FRMPD1: variants seen among roughly 807,000 people sequenced by gnomAD.
FRMPD1 encodes FERM and PDZ domain containing 1.
Under a neutral mutation model 117.8 loss-of-function variants are expected in FRMPD1, and 76 were observed. The ratio of observed to expected loss-of-function variants is 0.65; its 90% confidence interval spans 0.54 to 0.78. The LOEUF is 0.78. Among genes scored for constraint, FRMPD1 ranks in the 30% least tolerant of loss-of-function variants. The pLI, the probability that FRMPD1 is intolerant of heterozygous loss-of-function variation, is 0.00. For missense variants in FRMPD1, 1,786 were observed against 1,964.5 expected, an observed-to-expected ratio of 0.91 and a Z score of 1.72; for synonymous variants, 783 against 770.4, an observed-to-expected ratio of 1.02 and a Z score of -0.27.
the FRMPD1 span, among the ~76,000 whole-genome samples, chr9:37,629,134 G>C: frequency 6.6e-6 from 1 of 152,160 alleles, no homozygotes; most frequent in East Asian, 1.9e-4. Flanking sequence ...GGGAGGCGGA[G>C]GTTGCAGTGA....
the FRMPD1 span, among the ~76,000 whole-genome samples, chr9:37,624,598 C>G: frequency 1.3e-5 from 2 of 152,132 alleles, no homozygotes; most frequent in African/African-American, 4.8e-5. Flanking sequence ...CATAATTTAA[C>G]TTTAGAATCT....
At chr9:37,687,441 T>C (rs1821989582) in intron 1 of FRMPD1, among the ~76,000 whole-genome samples, 1 of 152,216 alleles carries the variant, frequency 6.6e-6, no homozygotes, top group South Asian at 2.1e-4. Context: ...AGCGTGATGC[T>C]CAGACATAAG....
At position 37,740,964 on chromosome 9, in the gene FRMPD1, T is replaced by C; in HGVS notation, c.2356+80T>C. ...CGGGGATCAAGGCCTGGGGCCAAGCTTGAGAGGAAGGCACATGAGTGAAAC... is the reference window on the plus strand; with the variant it reads ...CGGGGATCAAGGCCTGGGGCCAAGCCTGAGAGGAAGGCACATGAGTGAAAC... On this transcript the variant is annotated intron_variant, in intron 15 of 15. Coordinates refer to ENST00000377765, the MANE Select transcript of FRMPD1 (RefSeq NM_014907.3). The surrounding 1 kb of genome is among the most constrained non-coding windows in gnomAD (Gnocchi z 4.2). The C allele has an allele frequency of 9.2e-7, 1 of 1,083,206 alleles. No homozygotes were observed. The highest frequency in any genetic ancestry group is 1.3e-5 in the South Asian group (1 of 78,390). The allele number at this position is 1,083,206 out of a possible 1,614,324, so 67.1% of individuals were successfully genotyped here.
the FRMPD1 span, among the ~76,000 whole-genome samples, chr9:37,610,367 C>G: frequency 6.6e-6 from 1 of 152,118 alleles, no homozygotes; most frequent in Non-Finnish European, 1.5e-5. Flanking sequence ...ATAAGAGACA[C>G]TCCATTTGTT....
intron 1 of FRMPD1, among the ~76,000 whole-genome samples, chr9:37,659,944 G>A (rs1284478419): frequency 6.7e-6 from 1 of 150,218 alleles, no homozygotes; most frequent in Non-Finnish European, 1.5e-5. Flanking sequence ...ACAAAACTGA[G>A]GGGCAAGCAG....
chr9:37,691,743 A>C (rs1228566744), intron 1 of FRMPD1, among the ~76,000 whole-genome samples: 2 of 152,176 alleles, frequency 1.3e-5, no homozygotes, highest in African/African-American at 4.8e-5. Flanking sequence ...ATCTCTACTA[A>C]AAATACAAAA....
chr9:37,737,013 G>T (rs528950265), intron 13 of FRMPD1, 83 bp from the exon 14 acceptor site: 4 of 1,046,538 alleles, frequency 3.8e-6, no homozygotes, highest in East Asian at 2.4e-5. Context: ...GGAATCTCTC[G>T]TTGGTCCCAC....
intron 2 of FRMPD1, among the ~76,000 whole-genome samples, chr9:37,703,478 T>C (rs759248687): frequency 1.4e-4 from 22 of 152,364 alleles, no homozygotes; most frequent in Non-Finnish European, 2.4e-4. Flanking sequence ...ATTTGTATTA[T>C]AAGCTTTCCC....
intron 7 of FRMPD1, among the ~76,000 whole-genome samples, chr9:37,726,878 CAG>C (rs1267989793): frequency 6.6e-6 from 1 of 152,028 alleles, no homozygotes. Flanking sequence ...GGTACAGGCT[CAG>C]GGGAGAGCAA....
intron 1 of FRMPD1, among the ~76,000 whole-genome samples, chr9:37,660,834 C>T (rs61137028): frequency 0.23 from 35,212 of 152,094 alleles, 4,209 homozygotes; most frequent in Middle Eastern, 0.28. Context: ...GCTGCTCATT[C>T]AGTACGGAGC....
At chr9:37,705,216 A>T (rs540127537) in intron 2 of FRMPD1, among the ~76,000 whole-genome samples, 9 of 152,314 alleles carry the variant, frequency 5.9e-5, no homozygotes, top group South Asian at 2.1e-4. Context: ...AACAAAAAAA[A>T]AATAATAAGG....
chr9:37,625,087 C>A, the FRMPD1 span, among the ~76,000 whole-genome samples: 1 of 152,180 alleles, frequency 6.6e-6, no homozygotes, highest in Admixed American at 6.5e-5. Flanking sequence ...TCATTAGTAG[C>A]TTTGACTAAG....
At chr9:37,726,439 T>C (rs1269175177) in intron 7 of FRMPD1, among the ~76,000 whole-genome samples, 2 of 152,198 alleles carry the variant, frequency 1.3e-5, no homozygotes, top group South Asian at 2.1e-4. Flanking sequence ...GGCTCATGCC[T>C]GTAATCCCAG....
At chr9:37,712,997 AT>A (rs1159541682) in intron 5 of FRMPD1, among the ~76,000 whole-genome samples, 18 of 152,026 alleles carry the variant, frequency 1.2e-4, no homozygotes, top group Admixed American at 2.6e-4. Context: ...ATATAAAAAA[AT>A]AACATAAAAG....
chr9:37,609,469 A>C, the FRMPD1 span, among the ~76,000 whole-genome samples: 1 of 152,020 alleles, frequency 6.6e-6, no homozygotes, highest in Admixed American at 6.5e-5. Context: ...TCTTTGACTC[A>C]TCTCTTTCTC....
intron 7 of FRMPD1, among the ~76,000 whole-genome samples, chr9:37,726,693 C>T (rs1236242696): frequency 6.6e-6 from 1 of 151,762 alleles, no homozygotes; most frequent in Non-Finnish European, 1.5e-5. Flanking sequence ...AGCGAAACTC[C>T]ATCTCAAAAA....
At chr9:37,653,892 T>G (rs913773314) in intron 1 of FRMPD1, among the ~76,000 whole-genome samples, 1 of 152,086 alleles carries the variant, frequency 6.6e-6, no homozygotes, top group African/African-American at 2.4e-5. Context: ...TGAGTCTCAC[T>G]CGAGACTGCG....
the FRMPD1 span, among the ~76,000 whole-genome samples, chr9:37,604,164 AT>A: frequency 1.3e-5 from 2 of 152,210 alleles, no homozygotes. Context: ...CTATAAAATC[AT>A]AAAAATTCAG....
At chr9:37,709,157 A>C (rs550502437) in intron 4 of FRMPD1, among the ~76,000 whole-genome samples, 7 of 152,252 alleles carry the variant, frequency 4.6e-5, no homozygotes, top group African/African-American at 1.4e-4. Context: ...TGAAGAGGAC[A>C]AGCAGACATT....
Sources: gnomAD v4.1 joint callset for allele counts (sites outside exome capture counted in the v4.1 genomes callset) on GRCh38, gnomAD v4.1.1 for gene constraint, Gnocchi (gnomAD v3.1) non-coding constraint, MANE v1.5 for transcripts, NCBI Gene and HGNC (gene_info 2026-07-23, HGNC 2026-07-21) for gene names.